The following PDE10A variants were observed in gnomAD, a reference collection of about 807,000 sequenced individuals.
PDE10A encodes cAMP and cAMP-inhibited cGMP 3',5'-cyclic phosphodiesterase 10A.
A neutral mutation model predicts 97.7 loss-of-function variants in PDE10A; 39 were observed. The ratio of observed to expected loss-of-function variants is 0.40; its 90% confidence interval spans 0.31 to 0.52. The LOEUF (loss-of-function observed/expected upper bound fraction) is 0.52. Ranked by LOEUF, PDE10A falls within the 20% of genes least tolerant of loss-of-function variation. The pLI is 0.56. For synonymous variants in PDE10A, 371 were observed against 376.8 expected, an observed-to-expected ratio of 0.98 and a Z score of 0.18; for missense variants, 731 against 1,047.8, an observed-to-expected ratio of 0.70 and a Z score of 4.17.
chr6:165,365,447 G>A (rs966987106), intron 18 of PDE10A, among the ~76,000 whole-genome samples: 1 of 152,196 alleles, frequency 6.6e-6, no homozygotes, highest in African/African-American at 2.4e-5. Flanking sequence ...TGTAATCCCA[G>A]CACTTTGGGA....
chr6:165,895,824 C>G (rs1277364442), intron 1 of PDE10A, among the ~76,000 whole-genome samples: 1 of 152,200 alleles, frequency 6.6e-6, no homozygotes, highest in South Asian at 2.1e-4. Context: ...GCTCCCCAGT[C>G]CTGTCAATGG....
At chr6:165,544,970 G>A (rs76097373) in intron 1 of PDE10A, among the ~76,000 whole-genome samples, 1 of 152,038 alleles carries the variant, frequency 6.6e-6, no homozygotes, top group East Asian at 1.9e-4. Context: ...AAGATAATTG[G>A]CTCAATAAAG....
intron 2 of PDE10A, among the ~76,000 whole-genome samples, chr6:165,521,253 G>C (rs567275470): frequency 3.3e-5 from 5 of 152,102 alleles, no homozygotes; most frequent in South Asian, 4.2e-4. Context: ...GCTGTTCCCC[G>C]ATCTCTCTCC....
intron 1 of PDE10A, among the ~76,000 whole-genome samples, chr6:165,675,279 C>A (rs913838614): frequency 6.6e-6 from 1 of 152,104 alleles, no homozygotes; most frequent in Non-Finnish European, 1.5e-5. Flanking sequence ...AAAGACCAAA[C>A]CATAAAATTT....
At chr6:165,404,619 C>T (rs1786967480) in intron 13 of PDE10A, among the ~76,000 whole-genome samples, 1 of 151,668 alleles carries the variant, frequency 6.6e-6, no homozygotes, top group Non-Finnish European at 1.5e-5. Flanking sequence ...GGGTCTCTCA[C>T]AAGGGAGATA....
chr6:165,484,639 T>A (rs1779797725), intron 2 of PDE10A, among the ~76,000 whole-genome samples: 1 of 152,088 alleles, frequency 6.6e-6, no homozygotes, highest in African/African-American at 2.4e-5. Flanking sequence ...CCACAGGAAA[T>A]TAACTGCTTG....
chr6:165,407,452 G>A (rs543441954), intron 13 of PDE10A, among the ~76,000 whole-genome samples: 1 of 152,230 alleles, frequency 6.6e-6, no homozygotes, highest in Non-Finnish European at 1.5e-5. Context: ...CATACAAAAA[G>A]AGATTTCGTA....
chr6:165,929,068 A>G (rs1261492942), intron 1 of PDE10A, among the ~76,000 whole-genome samples: 3 of 152,176 alleles, frequency 2.0e-5, no homozygotes, highest in Non-Finnish European at 4.4e-5. Flanking sequence ...CTCTAAAATG[A>G]GACCTTCTGC....
chr6:165,925,739 GC>G (rs1282187138), intron 1 of PDE10A, among the ~76,000 whole-genome samples: 1 of 152,198 alleles, frequency 6.6e-6, no homozygotes, highest in African/African-American at 2.4e-5. Context: ...AAAAGCATTG[GC>G]TGTGGCTGTT....
chr6:165,473,992 A>G (rs1262533502), intron 3 of PDE10A, among the ~76,000 whole-genome samples: 2 of 152,240 alleles, frequency 1.3e-5, no homozygotes, highest in African/African-American at 4.8e-5. Context: ...TAAATTCTAT[A>G]TTCAGTGACT....
chr6:165,964,744 C>T (rs1784460377), intron 1 of PDE10A, among the ~76,000 whole-genome samples: 1 of 152,214 alleles, frequency 6.6e-6, no homozygotes. Context: ...CATGAAATCA[C>T]AGCTAAAATA....
intron 1 of PDE10A, among the ~76,000 whole-genome samples, chr6:165,623,476 A>T (rs1454172135): frequency 3.3e-5 from 5 of 150,962 alleles, no homozygotes; most frequent in Non-Finnish European, 7.4e-5. Context: ...AACCTATGAC[A>T]TAGGAATTGA....
At chr6:165,906,930 C>T (rs554406252) in intron 1 of PDE10A, among the ~76,000 whole-genome samples, 1 of 152,308 alleles carries the variant, frequency 6.6e-6, no homozygotes, top group Non-Finnish European at 1.5e-5. Context: ...ACGGCCTTCG[C>T]TCCTGGGTTG....
chr6:165,612,006 T>C (rs1162953975), intron 1 of PDE10A, among the ~76,000 whole-genome samples: 1 of 152,228 alleles, frequency 6.6e-6, no homozygotes, highest in Non-Finnish European at 1.5e-5. Flanking sequence ...GAAACACATA[T>C]GTTACCCACA....
At chr6:165,841,564 A>G (rs1270487086) in intron 1 of PDE10A, among the ~76,000 whole-genome samples, 1 of 152,264 alleles carries the variant, frequency 6.6e-6, no homozygotes, top group Non-Finnish European at 1.5e-5. Context: ...TCAACAGTTA[A>G]AACAGTTTGA....
At chr6:165,881,624 C>T (rs1418320589) in intron 1 of PDE10A, among the ~76,000 whole-genome samples, 6 of 148,220 alleles carry the variant, frequency 4.0e-5, no homozygotes, top group Non-Finnish European at 7.4e-5. Flanking sequence ...AGGATGGTCT[C>T]GATCTCTTGA....
At chr6:165,364,441 T>C (rs1485287001) in intron 18 of PDE10A, among the ~76,000 whole-genome samples, 2 of 152,160 alleles carry the variant, frequency 1.3e-5, no homozygotes, top group Non-Finnish European at 2.9e-5. Context: ...ACCCCAAATA[T>C]GTGAGAAGTA....
intron 1 of PDE10A, among the ~76,000 whole-genome samples, chr6:165,898,062 G>C (rs1782005231): frequency 6.9e-6 from 1 of 144,282 alleles, no homozygotes; most frequent in South Asian, 2.2e-4. Flanking sequence ...GCTCCCCTCT[G>C]TCTCCCCCTC....
chr6:165,709,870 C>T (rs1216372689), intron 1 of PDE10A, among the ~76,000 whole-genome samples: 1 of 151,218 alleles, frequency 6.6e-6, no homozygotes, highest in Non-Finnish European at 1.5e-5. Flanking sequence ...CATTGCTTCA[C>T]TCTTTTGCTT....
Sources: gnomAD v4.1 joint callset for allele counts (sites outside exome capture counted in the v4.1 genomes callset) on GRCh38, gnomAD v4.1.1 for gene constraint, MANE v1.5 for transcripts, NCBI Gene and HGNC (gene_info 2026-07-23, HGNC 2026-07-21) for gene names.